Variants in FAM221A observed in about 807,000 individuals in gnomAD.
FAM221A encodes the protein family with sequence similarity 221 member A, also known as protein FAM221A.
FAM221A carries 43 observed loss-of-function variants against 37.6 expected under a neutral mutation model. The ratio of observed to expected loss-of-function variants is 1.15; its 90% CI spans 0.90 to 1.48. The LOEUF is 1.48. FAM221A is among the 40% of genes most tolerant of loss of function. FAM221A has a pLI of 0.00. For missense variants in FAM221A, 361 were observed against 361.5 expected (o/e 1.00, Z 0.01); for synonymous variants, 135 against 132.9 (o/e 1.02, Z -0.11).
chr7:23,689,299 G>A lies in FAM221A; in HGVS notation c.270G>A (p.Ala90=), dbSNP rs772704895. 34 of 1,563,288 alleles carry A rather than the reference G, an allele frequency of 2.2e-5. No homozygotes were observed. The East Asian group carries it at 3.7e-4, about 17-fold the overall frequency. Residue 90 remains alanine (A), a synonymous_variant, in exon 3 of 7, where the codon GCG becomes GCA. Coordinates refer to ENST00000344962, the MANE Select transcript of FAM221A (RefSeq NM_199136.5). ...AACAACATAAAACTGACTTGGAAGCGATTCCTCAGCAGTGCCCCATTGATC... is the reference window on the plus strand; with the variant it reads ...AACAACATAAAACTGACTTGGAAGCAATTCCTCAGCAGTGCCCCATTGATC... ...RYKQHKTDLE[A]IPQQCPIDLP...
At chr7:23,699,368 G>C (rs1182242522) in intron 5 of FAM221A, among the ~76,000 whole-genome samples, 2 of 151,684 alleles carry the variant, frequency 1.3e-5, no homozygotes, top group Non-Finnish European at 2.9e-5. Context: ...CTAGCCTCCT[G>C]CCTCAGCTTC....
At chr7:23,686,554 C>A in intron 2 of FAM221A, 1 of 207,790 alleles carries the variant, frequency 4.8e-6, no homozygotes, top group Non-Finnish European at 9.9e-6. Context: ...GTGTGCGCCA[C>A]CATGCTCAGC....
intron 1 of FAM221A, among the ~76,000 whole-genome samples, chr7:23,682,937 C>T (rs1447732936): frequency 6.6e-6 from 1 of 152,054 alleles, no homozygotes; most frequent in East Asian, 1.9e-4. Context: ...ATTAAATGCC[C>T]TTTGTTTCTT....
In FAM221A at chr7:23,684,651, C is replaced by T. The variant is rs1784260929; in HGVS notation, c.218C>T (p.Thr73Ile). The change falls in exon 2 of 7, where the codon ACA (threonine) becomes ATA (isoleucine). Residue 73 changes from threonine (T) to isoleucine (I), a missense_variant. Physicochemically the swap from Thr to Ile is moderately conservative, Grantham distance 89. Coordinates refer to ENST00000344962, the MANE Select transcript of FAM221A (RefSeq NM_199136.5). ...GATTGTAAACTTGTGGGCCCAGAGA[C>T]ACTGTGTTTTTGTACACATAGGTAA... ...GMDCKLVGPE[T>I]LCFCTHRYKQ... 1.2e-6 allele frequency: 2 copies of T among 1,611,262 alleles called. No individual in the cohort carries two copies. Among genetic ancestry groups the T allele is most frequent in the Non-Finnish European group, 1.7e-6 (2 of 1,179,372 alleles).
chr7:23,696,265 AAAAAT>A (rs1288413474), intron 4 of FAM221A, among the ~76,000 whole-genome samples: 1 of 152,226 alleles, frequency 6.6e-6, no homozygotes, highest in African/African-American at 2.4e-5. Flanking sequence ...ATATGGCATA[AAAAAT>A]AAAATGGGCC....
rs1483413875 is a variant in FAM221A at position 23,691,611 on chromosome 7, A to G, written c.637+15A>G. Reference sequence around the variant, plus strand: ...CAGTGGGATTGGTAAGTGATACTATATGAAATGTGAGCCCATTGTATTGTT... The same window carrying G: ...CAGTGGGATTGGTAAGTGATACTATGTGAAATGTGAGCCCATTGTATTGTT... On this transcript the variant is annotated intron_variant, in intron 4 of 6. Coordinates refer to ENST00000344962, the MANE Select transcript of FAM221A (RefSeq NM_199136.5). 2.5e-6 allele frequency: 4 copies of G among 1,606,540 alleles called. No individual in the cohort carries two copies. Among genetic ancestry groups the G allele is most frequent in the Middle Eastern group, 3.3e-4 (2 of 6,070 alleles).
intron 1 of FAM221A, chr7:23,680,792 T>G (rs1783987407): frequency 6.5e-6 from 1 of 153,174 alleles, no homozygotes; most frequent in Non-Finnish European, 1.5e-5. Flanking sequence ...AGGACGCGGT[T>G]CATTGTCCTG....
rs1004766886 is a variant in FAM221A at position 23,680,397 on chromosome 7, C to T, written c.65+114C>T. 70 of 781,328 alleles carry T rather than the reference C, an allele frequency of 9.0e-5. No homozygotes were observed. The African/African-American group carries it at 1.1e-3, about 13-fold the overall frequency. 48.4% of individuals were successfully genotyped at this position (781,328 alleles called of 1,614,324 possible). On this transcript the variant is annotated intron_variant, in intron 1 of 6. Transcript: ENST00000344962. ...TCCGCGGGGGTTCCCGGAATCTGTG[C>T]CTGGGCTGTTGGGGGAGGCCTAGAT... is the stretch of plus-strand genomic sequence containing the variant.
intron 3 of FAM221A, among the ~76,000 whole-genome samples, chr7:23,690,707 G>A (rs1026828225): frequency 2.3e-4 from 35 of 152,112 alleles, no homozygotes; most frequent in African/African-American, 7.7e-4. Context: ...GTAACCACCA[G>A]CACAATACAT....
chr7:23,692,246 AAACAC>A (rs1784794756), intron 4 of FAM221A: 1 of 895,194 alleles, frequency 1.1e-6, no homozygotes, highest in Non-Finnish European at 1.3e-6. Flanking sequence ...TGTCTACTTG[AAACAC>A]AGGTGTGTAA....
chr7:23,684,742 A>C, intron 2 of FAM221A, 70 bp downstream of exon 2: 1 of 1,337,846 alleles, frequency 7.5e-7, no homozygotes, highest in Non-Finnish European at 1.0e-6. Context: ...TACTTCTACA[A>C]ATCGTAATGA....
chr7:23,682,371 ATGTGTGTGTG>A (rs10533703), intron 1 of FAM221A, among the ~76,000 whole-genome samples: 11 of 138,120 alleles, frequency 8.0e-5, no homozygotes, highest in African/African-American at 1.9e-4. Context: ...TGGCTTTATC[ATGTGTGTGTG>A]TGTGTGTGTG....
Position 23,684,627 on chromosome 7 carries a change from A to T in FAM221A, c.194A>T (p.Asp65Val). 1.2e-6 allele frequency: 2 copies of T among 1,614,098 alleles called. No homozygotes were observed. Among genetic ancestry groups the T allele is most frequent in the Non-Finnish European group, 1.7e-6 (2 of 1,179,968 alleles). ...FVSWRSPTGM[D>V]CKLVGPETLC... is the part of the protein sequence containing the mutation. The stretch of plus-strand genomic sequence containing the variant: ...AGCTGGCGGTCACCAACAGGGATGG[A>T]TTGTAAACTTGTGGGCCCAGAGACA... The change falls in exon 2 of 7, where the codon GAT becomes GTT. Residue 65 changes from aspartate to valine, a missense_variant. Physicochemically the swap from Asp to Val is radical, Grantham distance 152. Transcript: ENST00000344962.
intron 4 of FAM221A, among the ~76,000 whole-genome samples, chr7:23,697,926 ATT>A (rs374778685): frequency 2.8e-5 from 4 of 143,444 alleles, no homozygotes; most frequent in Admixed American, 7.0e-5. Flanking sequence ...TAATTTATGT[ATT>A]TTTTTTTTTT....
chr7:23,696,152 C>T (rs1191280891), intron 4 of FAM221A, among the ~76,000 whole-genome samples: 2 of 152,216 alleles, frequency 1.3e-5, no homozygotes, highest in African/African-American at 4.8e-5. Flanking sequence ...AGGCAACAAA[C>T]TTGTTCATCA....
At chr7:23,685,817 T>A (rs1349108534) in intron 2 of FAM221A, among the ~76,000 whole-genome samples, 4 of 152,226 alleles carry the variant, frequency 2.6e-5, no homozygotes, top group Non-Finnish European at 5.9e-5. Context: ...TAAATTTTGC[T>A]ACCGTCTCAC....
chr7:23,700,021 A>G (rs1030935097), intron 5 of FAM221A, among the ~76,000 whole-genome samples: 5 of 152,334 alleles, frequency 3.3e-5, no homozygotes, highest in Non-Finnish European at 7.3e-5. Context: ...TTCAAATAAG[A>G]ATCCCTTCTT....
chr7:23,680,853 C>T (rs1562512553), intron 1 of FAM221A: 1 of 152,454 alleles, frequency 6.6e-6, no homozygotes, highest in Non-Finnish European at 1.5e-5. Flanking sequence ...TTTTCCGCTT[C>T]CTGGGGTTTT....
At chr7:23,683,202 A>T (rs1784165384) in intron 1 of FAM221A, among the ~76,000 whole-genome samples, 1 of 152,036 alleles carries the variant, frequency 6.6e-6, no homozygotes, top group East Asian at 1.9e-4. Flanking sequence ...TTTTGGAAAA[A>T]CTTCTTTTAG....
Sources: allele counts gnomAD v4.1 joint callset (sites outside exome capture counted in the v4.1 genomes callset), GRCh38; gene constraint gnomAD v4.1.1; transcripts MANE v1.5; gene names NCBI Gene and HGNC (gene_info 2026-07-23, HGNC 2026-07-21).